The following BABAM2 variants were observed in gnomAD, a reference collection of about 807,000 sequenced individuals.
BABAM2 encodes the protein BRISC and BRCA1-A complex member 2.
BABAM2 carries 31 observed loss-of-function variants against 54.7 expected under a neutral mutation model. The ratio of observed to expected loss-of-function variants is 0.57; its 90% confidence interval spans 0.43 to 0.77. The LOEUF is 0.77. Ranked by LOEUF, BABAM2 falls within the 30% of genes least tolerant of loss-of-function variation. BABAM2 has a pLI of 0.00. For missense variants in BABAM2, 364 were observed against 455.8 expected (o/e 0.80, Z 1.83); for synonymous variants, 167 against 162.9 (o/e 1.03, Z -0.19).
intron 7 of BABAM2, among the ~76,000 whole-genome samples, chr2:28,169,501 G>A (rs958334521): frequency 2.0e-5 from 3 of 152,082 alleles, no homozygotes; most frequent in Non-Finnish European, 2.9e-5. Context: ...TCCAGGCCAG[G>A]TGGGGTGGCT....
chr2:28,015,481 C>T (rs867253744), intron 4 of BABAM2, among the ~76,000 whole-genome samples: 1 of 151,886 alleles, frequency 6.6e-6, no homozygotes, highest in South Asian at 2.1e-4. Flanking sequence ...AATTTTATTC[C>T]CAAATATCTT....
chr2:27,983,839 C>T (rs1214039891), intron 3 of BABAM2, among the ~76,000 whole-genome samples: 2 of 147,846 alleles, frequency 1.4e-5, no homozygotes, highest in Non-Finnish European at 3.0e-5. Context: ...TTTATTAGTT[C>T]TCATTGTTTG....
intron 7 of BABAM2, among the ~76,000 whole-genome samples, chr2:28,220,950 G>A (rs181918019): frequency 1.3e-4 from 20 of 152,216 alleles, no homozygotes; most frequent in Admixed American, 4.6e-4. Flanking sequence ...AAAATGCAAC[G>A]TGATCATGTG....
intron 10 of BABAM2, among the ~76,000 whole-genome samples, chr2:28,270,618 A>G (rs942447034): frequency 3.3e-5 from 5 of 152,216 alleles, no homozygotes; most frequent in Non-Finnish European, 7.3e-5. Flanking sequence ...TTCCTGAACC[A>G]AGAGTCGACC....
chr2:28,121,832 A>G, intron 6 of BABAM2, among the ~76,000 whole-genome samples: 1 of 152,152 alleles, frequency 6.6e-6, no homozygotes, highest in Admixed American at 6.6e-5. Flanking sequence ...ATATAATTTG[A>G]TGGATATTGG....
chr2:28,243,238 T>G (rs550722760), intron 9 of BABAM2, among the ~76,000 whole-genome samples: 2 of 152,174 alleles, frequency 1.3e-5, no homozygotes, highest in African/African-American at 4.8e-5. Flanking sequence ...GGGCTAATTA[T>G]AAATTCATAG....
At chr2:28,330,137 T>A (rs938350521) in intron 11 of BABAM2, among the ~76,000 whole-genome samples, 2 of 152,174 alleles carry the variant, frequency 1.3e-5, no homozygotes, top group African/African-American at 4.8e-5. Context: ...CAACATTCCT[T>A]CATGTTAAAA....
chr2:28,281,458 C>T (rs1686353442), intron 10 of BABAM2, among the ~76,000 whole-genome samples: 1 of 152,134 alleles, frequency 6.6e-6, no homozygotes, highest in South Asian at 2.1e-4. Context: ...ATGTGACCCC[C>T]CCGAGCCCCA....
At chr2:28,277,989 A>G (rs1686022646) in intron 10 of BABAM2, among the ~76,000 whole-genome samples, 1 of 152,222 alleles carries the variant, frequency 6.6e-6, no homozygotes, top group Non-Finnish European at 1.5e-5. Flanking sequence ...GAAATCTGGT[A>G]GGTAGATAAA....
chr2:28,205,568 G>T (rs759618802), intron 7 of BABAM2, among the ~76,000 whole-genome samples: 8 of 151,974 alleles, frequency 5.3e-5, no homozygotes, highest in African/African-American at 1.9e-4. Context: ...GATGAAGAAA[G>T]CACAGGGAGA....
intron 7 of BABAM2, among the ~76,000 whole-genome samples, chr2:28,194,323 C>T (rs1677264017): frequency 6.6e-6 from 1 of 152,070 alleles, no homozygotes; most frequent in South Asian, 2.1e-4. Context: ...AGGCTTCCTG[C>T]TCTCAGCTCC....
At chr2:28,131,875 G>T (rs533152510) in intron 7 of BABAM2, among the ~76,000 whole-genome samples, 2 of 152,222 alleles carry the variant, frequency 1.3e-5, no homozygotes, top group South Asian at 2.1e-4. Context: ...TGAAACAATC[G>T]CAAGATGTGG....
At chr2:28,081,830 G>C (rs1209814019) in intron 6 of BABAM2, among the ~76,000 whole-genome samples, 1 of 152,084 alleles carries the variant, frequency 6.6e-6, no homozygotes, top group East Asian at 1.9e-4. Flanking sequence ...CTCTAGGTGT[G>C]GACATGATAC....
chr2:27,928,479 G>A (rs973665264), intron 2 of BABAM2, among the ~76,000 whole-genome samples: 5 of 151,696 alleles, frequency 3.3e-5, no homozygotes, highest in South Asian at 2.1e-4. Flanking sequence ...CATTCAAATC[G>A]TTTTGGGGAA....
chr2:28,255,841 T>A (rs1255940023), intron 10 of BABAM2, among the ~76,000 whole-genome samples: 1 of 152,054 alleles, frequency 6.6e-6, no homozygotes, highest in Non-Finnish European at 1.5e-5. Context: ...AATTTTTGTA[T>A]TTTTTGTGGA....
chr2:28,331,441 C>CA (rs1690951750), intron 11 of BABAM2, among the ~76,000 whole-genome samples: 1 of 150,808 alleles, frequency 6.6e-6, no homozygotes, highest in African/African-American at 2.4e-5. Flanking sequence ...GTCTAATATC[C>CA]AAAATCTACA....
In BABAM2 at chr2:28,143,031, A is replaced by G. The variant is rs372510066; in HGVS notation, c.680+13651A>G. 2.0e-4 allele frequency among the ~76,000 whole-genome samples: 30 copies of G among 152,256 alleles called. No individual in the cohort carries two copies. In the South Asian group the frequency reaches 5.0e-3, roughly 25 times the overall value. ...TTTTCAAACTCTTTCTTAAAAGTGT[A>G]GATTAACTTGGCCCTGTAATTTAAT... On this transcript the variant is annotated intron_variant, in intron 7 of 11. Transcript: ENST00000379624.
At chr2:28,042,282 A>G (rs1677162575) in intron 5 of BABAM2, among the ~76,000 whole-genome samples, 1 of 152,222 alleles carries the variant, frequency 6.6e-6, no homozygotes, top group African/African-American at 2.4e-5. Flanking sequence ...GAAGATACAC[A>G]AGTTGGGAGT....
At chr2:28,116,688 T>C (rs747039141) in intron 6 of BABAM2, among the ~76,000 whole-genome samples, 1 of 151,928 alleles carries the variant, frequency 6.6e-6, no homozygotes, top group Non-Finnish European at 1.5e-5. Context: ...AATAGCATGG[T>C]TTTGAAAAGG....
Sources: allele counts gnomAD v4.1 joint callset (sites outside exome capture counted in the v4.1 genomes callset), GRCh38; gene constraint gnomAD v4.1.1; transcripts MANE v1.5; gene names NCBI Gene and HGNC (gene_info 2026-07-23, HGNC 2026-07-21).